The following KLHL23 variants were observed in gnomAD, a reference collection of about 807,000 sequenced individuals.
KLHL23 encodes the protein kelch-like protein 23.
Under a neutral mutation model 48.9 loss-of-function variants are expected in KLHL23, and 33 were observed. That is an observed-to-expected ratio of 0.67 (90% CI 0.51 to 0.90). The LOEUF (loss-of-function observed/expected upper bound fraction) is 0.90, where lower values mean the gene tolerates loss of function less well. KLHL23 is among the 40% of genes least tolerant of loss of function. The pLI is 0.00. For missense variants in KLHL23, 608 were observed against 669.6 expected, an observed-to-expected ratio of 0.91 and a Z score of 1.02; for synonymous variants, 234 against 231.6, an observed-to-expected ratio of 1.01 and a Z score of -0.09.
rs1355773183 is a variant in KLHL23, at chr2:169,733,974, A to G, written c.-116A>G. 1.3e-5 allele frequency: 2 copies of G among 152,132 alleles called. No individual in the cohort carries two copies. The highest frequency in any genetic ancestry group is 3.9e-4 in the East Asian group (2 of 5,128). The allele number at this position is 152,132 out of a possible 1,614,324, so 9.4% of individuals were successfully genotyped here. ...GCTGCTTGTGGGGTGGAGCGGCACT[A>G]GCTGGCGGCTTCCGAGCGCCTCTTC... On this transcript the variant is annotated 5_prime_UTR_variant, in exon 1 of 4. Transcript: ENST00000392647.
intron 3 of KLHL23, among the ~76,000 whole-genome samples, chr2:169,741,746 G>C (rs1197508957): frequency 1.3e-5 from 2 of 152,144 alleles, no homozygotes; most frequent in Non-Finnish European, 2.9e-5. Context: ...TATTTTCCCT[G>C]ATGTCTTTAT....
chr2:169,748,272 C>T (rs749665351), intron 3 of KLHL23, among the ~76,000 whole-genome samples: 3 of 152,120 alleles, frequency 2.0e-5, no homozygotes, highest in Admixed American at 6.5e-5. Flanking sequence ...AAGACAAGAC[C>T]GGAATGACAG....
In KLHL23 at chr2:169,736,042, A is replaced by G. The variant is rs774240065; in HGVS notation, c.1028A>G (p.Asn343Ser). ...GCTCTTGACACAGTGTGGATCTATA[A>G]CAGTGAAAGTGATGAATGGACAGAA... Reference protein sequence around the residue: ...IEALDTVWIYNSESDEWTEGL... With the variant: ...IEALDTVWIYSSESDEWTEGL... The change falls in exon 2 of 4, where the codon AAC becomes AGC. Residue 343 changes from asparagine to serine, a missense_variant. Transcript: ENST00000392647. 3.7e-6 allele frequency: 6 copies of G among 1,614,068 alleles called. No homozygotes were observed. Among genetic ancestry groups the G allele is most frequent in the South Asian group, 3.3e-5 (3 of 91,086 alleles).
At chr2:169,739,210 C>T (rs1270124423) in intron 2 of KLHL23, among the ~76,000 whole-genome samples, 1 of 151,282 alleles carries the variant, frequency 6.6e-6, no homozygotes, top group Non-Finnish European at 1.5e-5. Context: ...TCTCTTTCCT[C>T]TATGCTCTTC....
intron 3 of KLHL23, among the ~76,000 whole-genome samples, chr2:169,746,999 TAGG>T (rs1688805267): frequency 6.6e-6 from 1 of 152,010 alleles, no homozygotes; most frequent in Non-Finnish European, 1.5e-5. Context: ...TTTTAACAAG[TAGG>T]ATAATTATTT....
intron 2 of KLHL23, among the ~76,000 whole-genome samples, chr2:169,740,536 T>G (rs1448197979): frequency 6.9e-6 from 1 of 145,786 alleles, no homozygotes; most frequent in Non-Finnish European, 1.5e-5. Context: ...GCAAGCTCAG[T>G]CTCCTGGGTT....
chr2:169,741,410 C>G lies in KLHL23; in HGVS notation c.1239C>G (p.Val413=). 1 of 1,613,280 alleles carries G rather than the reference C, an allele frequency of 6.2e-7. No homozygotes were observed. Among genetic ancestry groups the G allele is most frequent in the Non-Finnish European group, 8.5e-7 (1 of 1,179,474 alleles). The stretch of plus-strand genomic sequence containing the variant: ...GTGTGGGAAATGCTACTGCCTGTGT[C>G]TTACATGATGTTATCTACGTCATTG... The part of the protein sequence containing the change: ...IKGVGNATAC[V]LHDVIYVIGG... Residue 413 remains valine (V), a synonymous_variant, in exon 3 of 4, where the codon GTC becomes GTG. Coordinates refer to ENST00000392647, the MANE Select transcript of KLHL23 (RefSeq NM_144711.6).
At chr2:169,734,671 C>T (rs1688469996) in intron 1 of KLHL23, among the ~76,000 whole-genome samples, 1 of 152,192 alleles carries the variant, frequency 6.6e-6, no homozygotes, top group Non-Finnish European at 1.5e-5. Context: ...GAGGTCCGGC[C>T]TCGAGTGGGG....
At chr2:169,744,198 C>T (rs1688738402) in intron 3 of KLHL23, among the ~76,000 whole-genome samples, 1 of 152,096 alleles carries the variant, frequency 6.6e-6, no homozygotes, top group Non-Finnish European at 1.5e-5. Flanking sequence ...AATATACATA[C>T]ATAATGGAAA....
chr2:169,747,574 T>C (rs779582081), intron 3 of KLHL23, among the ~76,000 whole-genome samples: 26 of 151,386 alleles, frequency 1.7e-4, no homozygotes, highest in African/African-American at 6.3e-4. Flanking sequence ...GTAGCTAGGA[T>C]TACAGGTGTG....
At position 169,735,328 on chromosome 2, in the gene KLHL23, G is replaced by A; in HGVS notation, c.314G>A (p.Arg105Lys). 6.2e-7 allele frequency: 1 copy of A among 1,613,530 alleles called. No homozygotes were observed. Among genetic ancestry groups the A allele is most frequent in the Non-Finnish European group, 8.5e-7 (1 of 1,179,916 alleles). Residue 105 changes from arginine (R) to lysine (K), a missense_variant, in exon 2 of 4, where the codon AGA becomes AAA. By Grantham distance (26) the Arg-to-Lys change is conservative. Transcript: ENST00000392647. The surrounding 1 kb of genome is among the most constrained non-coding windows in gnomAD (Gnocchi z 4.5). ...ACTTCCCAAATTGAAATAACTAAAAGAAATGTTCAAAGCCTGCTTGAGGCA... is the reference window on the plus strand; with the variant it reads ...ACTTCCCAAATTGAAATAACTAAAAAAAATGTTCAAAGCCTGCTTGAGGCA... The part of the protein sequence containing the change: ...AYTSQIEITK[R>K]NVQSLLEAAD...
chr2:169,743,893 G>A (rs1688732269), intron 3 of KLHL23, among the ~76,000 whole-genome samples: 1 of 152,178 alleles, frequency 6.6e-6, no homozygotes, highest in African/African-American at 2.4e-5. Flanking sequence ...AAGGATTTTA[G>A]CAGTACCTCC....
intron 3 of KLHL23, among the ~76,000 whole-genome samples, chr2:169,749,066 T>C (rs1274318392): frequency 1.3e-5 from 2 of 152,326 alleles, no homozygotes; most frequent in Middle Eastern, 6.8e-3. Flanking sequence ...GGTATCTTTC[T>C]ATAAGGATTC....
At position 169,750,759 on chromosome 2, in the gene KLHL23, A is replaced by G. The variant is rs1483923073; in HGVS notation, c.*1027A>G. The G allele has an allele frequency of 1.3e-5, 2 of 152,336 alleles. No homozygotes were observed. Among genetic ancestry groups the G allele is most frequent in the East Asian group, 3.9e-4 (2 of 5,192 alleles). The allele number at this position is 152,336 out of a possible 1,614,324, so 9.4% of individuals were successfully genotyped here. ...AGTCTGAAAAATAGAAGATAGTCAA[A>G]TATTTGTTTATGCTAAGAACTGTTT... On this transcript the variant is annotated 3_prime_UTR_variant, in exon 4 of 4. Coordinates refer to ENST00000392647, the MANE Select transcript of KLHL23 (RefSeq NM_144711.6).
chr2:169,735,163 G>A lies in KLHL23; in HGVS notation c.149G>A (p.Cys50Tyr). ...TGTCCTTCAGGCATAATTTTCCATT[G>A]TCACCGAGCCGTTTTAGCTGCTTGC... ...LQCPSGIIFHCHRAVLAACSN... is the reference protein window; with the variant it reads ...LQCPSGIIFHYHRAVLAACSN... Residue 50 changes from cysteine to tyrosine, a missense_variant, in exon 2 of 4, where the codon TGT becomes TAT. Physicochemically the swap from Cys to Tyr is radical, Grantham distance 194. Transcript: ENST00000392647. The surrounding 1 kb of genome is among the most constrained non-coding windows in gnomAD (Gnocchi z 4.5). 6.2e-7 allele frequency: 1 copy of A among 1,613,162 alleles called. No individual in the cohort carries two copies. Among genetic ancestry groups the A allele is most frequent in the Non-Finnish European group, 8.5e-7 (1 of 1,179,872 alleles).
At chr2:169,744,943 G>GT (rs34081026) in intron 3 of KLHL23, among the ~76,000 whole-genome samples, 45,836 of 142,290 alleles carry the variant, frequency 0.32, 7,877 homozygotes, top group African/African-American at 0.49. Flanking sequence ...TTTGTTTTTT[G>GT]TTTTTTTTTT....
chr2:169,736,353 C>A, intron 2 of KLHL23, 126 bp downstream of exon 2: 1 of 1,329,690 alleles, frequency 7.5e-7, no homozygotes, highest in Non-Finnish European at 1.0e-6. Context: ...ACAAATAATG[C>A]TACACAGAAT....
At chr2:169,747,416 A>G (rs1688821359) in intron 3 of KLHL23, among the ~76,000 whole-genome samples, 1 of 123,734 alleles carries the variant, frequency 8.1e-6, no homozygotes, top group Non-Finnish European at 1.7e-5. Context: ...AAACTGAGGG[A>G]GAACTTTACT....
rs1025132578 is a variant in KLHL23, at chr2:169,741,539, T to C, written c.1366+2T>C. ...TCATCACCTCCAGTCCACATCCAGG[T>C]AACAAAAATACTGTCTCAAATAGTG... On this transcript the variant is annotated splice_donor_variant, in intron 3 of 3. Coordinates refer to ENST00000392647, the MANE Select transcript of KLHL23 (RefSeq NM_144711.6). LOFTEE classifies it high-confidence loss of function. 1 of 1,612,028 alleles carries C rather than the reference T, an allele frequency of 6.2e-7. No individual in the cohort carries two copies. Among genetic ancestry groups the C allele is most frequent in the Non-Finnish European group, 8.5e-7 (1 of 1,178,820 alleles).
Sources: gnomAD v4.1 joint callset for allele counts (sites outside exome capture counted in the v4.1 genomes callset) on GRCh38, gnomAD v4.1.1 for gene constraint, Gnocchi (gnomAD v3.1) non-coding constraint, MANE v1.5 for transcripts, NCBI Gene and HGNC (gene_info 2026-07-23, HGNC 2026-07-21) for gene names.